Variants in SRCAP observed in about 807,000 individuals in gnomAD.
SRCAP encodes Snf2 related CREBBP activator protein.
Under a neutral mutation model 263.1 loss-of-function variants are expected in SRCAP, and 46 were observed. The observed-to-expected ratio is 0.17, with a 90% CI of 0.14 to 0.22. The LOEUF (loss-of-function observed/expected upper bound fraction) is 0.22, where lower values mean the gene tolerates loss of function less well. SRCAP is among the 10% of genes least tolerant of loss of function. The probability of loss-of-function intolerance (pLI) is 1.00; values close to 1 mark genes in which losing one functional copy is unlikely to be tolerated. For missense variants in SRCAP, 3,695 were observed against 4,181.9 expected (o/e 0.88, Z 3.21); for synonymous variants, 1,813 against 1,662.1 (o/e 1.09, Z -2.21).
chr16:30,739,750 C>A lies in SRCAP; in HGVS notation c.*17C>A. On this transcript the variant is annotated 3_prime_UTR_variant, in exon 34 of 34. Transcript: ENST00000262518. Reference sequence around the variant, plus strand: ...AAGACGTGAGTGGGCTGCCCCTCCACCTAGGCTTTCCACCGTGGCCACTCC... The same window carrying A: ...AAGACGTGAGTGGGCTGCCCCTCCAACTAGGCTTTCCACCGTGGCCACTCC... 1.4e-6 allele frequency: 2 copies of A among 1,456,938 alleles called. No individual in the cohort carries two copies. Among genetic ancestry groups the A allele is most frequent in the Non-Finnish European group, 1.8e-6 (2 of 1,103,082 alleles). The allele number at this position is 1,456,938 out of a possible 1,614,324, so 90.3% of individuals were successfully genotyped here. A position where few individuals can be genotyped will look rare whatever the true frequency, so the allele number is the denominator to read the frequency against.
At chr16:30,734,352 AC>A (rs1409788923) in intron 30 of SRCAP, 143 bp from the exon 31 acceptor site, 1 of 1,285,948 alleles carries the variant, frequency 7.8e-7, no homozygotes, top group Non-Finnish European at 1.1e-6. Context: ...AAAAGAAAAA[AC>A]AAAAAGGACT....
Position 30,707,566 on chromosome 16 carries a change from C to T in SRCAP, c.493-6C>T, listed in dbSNP as rs1276617769. The T allele has an allele frequency of 1.2e-6, 2 of 1,612,434 alleles. No individual in the cohort carries two copies. Among genetic ancestry groups the T allele is most frequent in the Admixed American group, 1.7e-5 (1 of 59,596 alleles). On this transcript the variant is annotated splice_polypyrimidine_tract_variant and splice_region_variant and intron_variant, in intron 5 of 33. Transcript: ENST00000262518. Reference sequence around the variant, plus strand: ...GTGTTTTCACCCTGGGTCTTCATTCCCACAGGTGGTGCGCATGGTGATCCG... The same window carrying T: ...GTGTTTTCACCCTGGGTCTTCATTCTCACAGGTGGTGCGCATGGTGATCCG...
At position 30,716,274 on chromosome 16, in the gene SRCAP, A is replaced by C; in HGVS notation, c.2631-19A>C. The C allele has an allele frequency of 1.9e-6, 3 of 1,613,112 alleles. No homozygotes were observed. In the South Asian group the frequency reaches 3.3e-5, roughly 18 times the overall value. On this transcript the variant is annotated intron_variant, in intron 17 of 33. Coordinates refer to ENST00000262518, the MANE Select transcript of SRCAP (RefSeq NM_006662.3). ...AGGTGGCTGTTAGGACGTCTCATTTATTTTTCCTCTTTCCCCAGAACTAAG... is the reference window on the plus strand; with the variant it reads ...AGGTGGCTGTTAGGACGTCTCATTTCTTTTTCCTCTTTCCCCAGAACTAAG...
At chr16:30,722,442 G>C in intron 22 of SRCAP, 121 bp from the exon 23 acceptor site, 1 of 1,500,422 alleles carries the variant, frequency 6.7e-7, no homozygotes, top group Admixed American at 2.0e-5. Context: ...ATAAAGATAG[G>C]GAAGAGGTCA....
chr16:30,735,666 C>T (rs933917138), intron 31 of SRCAP, among the ~76,000 whole-genome samples: 9 of 146,966 alleles, frequency 6.1e-5, no homozygotes, highest in Non-Finnish European at 8.9e-5. Flanking sequence ...CTACAGCCTC[C>T]ACCTCCCGGG....
chr16:30,705,750 A>C (rs1021218869), intron 4 of SRCAP, among the ~76,000 whole-genome samples: 7 of 147,828 alleles, frequency 4.7e-5, no homozygotes, highest in African/African-American at 1.8e-4. Context: ...TCTTTCGCTG[A>C]GGCTGGAGTG....
At position 30,709,611 on chromosome 16, in the gene SRCAP, G is replaced by T. The variant is rs370705768; in HGVS notation, c.732G>T (p.Ser244=). Residue 244 remains serine (S), a synonymous_variant, in exon 7 of 34, where the codon TCG becomes TCT. Transcript: ENST00000262518. ...TTGTGGGGCAAACTGAAAAGTACTC[G>T]GACCTTCTGTCTCAGAGCCTCAACC... ...DFIVGQTEKY[S]DLLSQSLNQP... 5 of 1,613,994 alleles carry T rather than the reference G, an allele frequency of 3.1e-6. No individual in the cohort carries two copies. In the African/African-American group the frequency reaches 6.7e-5, roughly 22 times the overall value.
In SRCAP at chr16:30,724,580, C is replaced by T. The variant is rs760896751; in HGVS notation, c.5156C>T (p.Thr1719Ile). The T allele has an allele frequency of 1.9e-6, 3 of 1,614,226 alleles. No individual in the cohort carries two copies. Among genetic ancestry groups the T allele is most frequent in the Non-Finnish European group, 1.7e-6 (2 of 1,180,048 alleles). Residue 1719 changes from threonine (T) to isoleucine (I), a missense_variant, in exon 25 of 34, where the codon ACT becomes ATT. Physicochemically the swap from Thr to Ile is moderately conservative, Grantham distance 89. Coordinates refer to ENST00000262518, the MANE Select transcript of SRCAP (RefSeq NM_006662.3). ...GPFPTQTLSL[T>I]PASSLVPTPA... ...TTTCCAACTCAGACATTGTCATTAA[C>T]TCCAGCATCATCCCTGGTACCAACT... is the stretch of plus-strand genomic sequence containing the variant.
At position 30,739,100 on chromosome 16, in the gene SRCAP, C is replaced by T. The variant is rs149533867; in HGVS notation, c.9060C>T (p.Ser3020=). 5 of 1,614,104 alleles carry T rather than the reference C, an allele frequency of 3.1e-6. No homozygotes were observed. Among genetic ancestry groups the T allele is most frequent in the Non-Finnish European group, 4.2e-6 (5 of 1,180,040 alleles). The part of the protein sequence containing the change: ...PPKNPPSPRP[S]QLPVLDRDST... ...AGAATCCTCCATCACCTCGGCCCAG[C>T]CAGCTCCCCGTCTTGGACCGTGACA... Residue 3020 remains serine, a synonymous_variant, in exon 34 of 34, where the codon AGC becomes AGT. Transcript: ENST00000262518.
Position 30,725,130 on chromosome 16 carries a change from A to C in SRCAP, c.5658+48A>C, listed in dbSNP as rs1189478361. 2.6e-6 allele frequency: 4 copies of C among 1,555,954 alleles called. No homozygotes were observed. In the Admixed American group the frequency reaches 7.6e-5, roughly 30 times the overall value. On this transcript the variant is annotated intron_variant, in intron 25 of 33. Transcript: ENST00000262518. ...GGAACAGGAAGTTGAGTTTCTTTGGAGTGTTGGTAGGGTGGATGGAACAGT... is the reference window on the plus strand; with the variant it reads ...GGAACAGGAAGTTGAGTTTCTTTGGCGTGTTGGTAGGGTGGATGGAACAGT...
At chr16:30,703,401 C>G (rs1425825387) in intron 3 of SRCAP, among the ~76,000 whole-genome samples, 1 of 149,990 alleles carries the variant, frequency 6.7e-6, no homozygotes, top group South Asian at 2.1e-4. Flanking sequence ...ACCATGTTGG[C>G]CAGGTTGGTC....
rs1010911942 is a variant in SRCAP at position 30,722,341 on chromosome 16, G to T, written c.3706+55G>T. On this transcript the variant is annotated intron_variant, in intron 22 of 33. Coordinates refer to ENST00000262518, the MANE Select transcript of SRCAP (RefSeq NM_006662.3). ...TTTTCCTCCTCTTCCCTGTCTCTTTGTTTTTGTGACTTTTTTGAATGTCAG... is the reference window on the plus strand; with the variant it reads ...TTTTCCTCCTCTTCCCTGTCTCTTTTTTTTTGTGACTTTTTTGAATGTCAG... The T allele has an allele frequency of 4.4e-6, 7 of 1,573,774 alleles. No homozygotes were observed. In the African/African-American group the frequency reaches 9.5e-5, roughly 21 times the overall value.
intron 3 of SRCAP, among the ~76,000 whole-genome samples, chr16:30,702,602 T>C (rs1250731505): frequency 0.019 from 1,746 of 93,056 alleles, 56 homozygotes; most frequent in African/African-American, 0.071. Flanking sequence ...CTGCCTTCCC[T>C]CCCTCCCTCC....
At position 30,738,083 on chromosome 16, in the gene SRCAP, G is replaced by C; in HGVS notation, c.8043G>C (p.Lys2681Asn). 1.9e-6 allele frequency: 3 copies of C among 1,614,100 alleles called. No individual in the cohort carries two copies. Among genetic ancestry groups the C allele is most frequent in the South Asian group, 1.1e-5 (1 of 91,084 alleles). The change falls in exon 34 of 34, where the codon AAG becomes AAC. Residue 2681 changes from lysine to asparagine, a missense_variant. Lys to Asn is a moderately conservative substitution (Grantham distance 94, BLOSUM62 0). Coordinates refer to ENST00000262518, the MANE Select transcript of SRCAP (RefSeq NM_006662.3). The stretch of plus-strand genomic sequence containing the variant: ...CCTCGGAAGAGCTGACAGAGGCCAA[G>C]ACCCCAACCTCCAGCCCAGAGAAGC... ...DRTSEELTEA[K>N]TPTSSPEKPQ...
rs367990784 is a variant in SRCAP, at chr16:30,707,230, C to G, written c.354C>G (p.Phe118Leu). Reference sequence around the variant, plus strand: ...TTGCTGAGCTGCGGAAGGAGGGTTTCTGGTCACTGAAGAGGCTGCCTAAGG... The same window carrying G: ...TTGCTGAGCTGCGGAAGGAGGGTTTGTGGTCACTGAAGAGGCTGCCTAAGG... Reference protein sequence around the residue: ...TRIAELRKEGFWSLKRLPKVP... With the variant: ...TRIAELRKEGLWSLKRLPKVP... The change falls in exon 5 of 34, where the codon TTC becomes TTG. Residue 118 changes from phenylalanine to leucine, a missense_variant. By Grantham distance (22) the Phe-to-Leu change is conservative. This residue lies in a region of SRCAP where 107 missense variants were observed against 223.8 expected (regional missense o/e 0.48). Transcript: ENST00000262518. The G allele has an allele frequency of 1.2e-6, 2 of 1,614,150 alleles. No homozygotes were observed. Among genetic ancestry groups the G allele is most frequent in the Non-Finnish European group, 1.7e-6 (2 of 1,180,046 alleles).
intron 3 of SRCAP, chr16:30,701,244 G>A (rs2052762725): frequency 5.7e-6 from 1 of 175,070 alleles, no homozygotes; most frequent in African/African-American, 2.4e-5. Flanking sequence ...CTCATACCAA[G>A]GAAGGGTGTG....
intron 6 of SRCAP, among the ~76,000 whole-genome samples, chr16:30,708,409 A>AT (rs2052850932): frequency 6.6e-6 from 1 of 151,626 alleles, no homozygotes; most frequent in Non-Finnish European, 1.5e-5. Context: ...TTTTTTTTTA[A>AT]TTTTTTTGTG....
At chr16:30,702,202 C>T (rs901082328) in intron 3 of SRCAP, among the ~76,000 whole-genome samples, 1 of 151,594 alleles carries the variant, frequency 6.6e-6, no homozygotes, top group Non-Finnish European at 1.5e-5. Flanking sequence ...CCCCGCCTTA[C>T]TCAGCCTCTC....
intron 18 of SRCAP, 25 bp from the exon 19 acceptor site, chr16:30,720,137 G>T: frequency 1.3e-6 from 2 of 1,596,242 alleles, no homozygotes; most frequent in South Asian, 1.1e-5. Context: ...TCTTCTTTAT[G>T]ACTGTGCTTT....
Sources: gnomAD v4.1 joint callset for allele counts (sites outside exome capture counted in the v4.1 genomes callset) on GRCh38, gnomAD v4.1.1 for gene constraint, gnomAD v4.1.1 regional missense constraint, MANE v1.5 for transcripts, NCBI Gene and HGNC (gene_info 2026-07-23, HGNC 2026-07-21) for gene names.